COMMD1: variants seen among roughly 807,000 people sequenced by gnomAD.
COMMD1 encodes copper metabolism domain containing 1.
In COMMD1, 10 loss-of-function variants were observed where a neutral mutation model predicts 17.2. The observed-to-expected ratio is 0.58, with a 90% confidence interval of 0.36 to 0.99. The LOEUF (loss-of-function observed/expected upper bound fraction) is 0.99, where lower values mean the gene tolerates loss of function less well. Among genes scored for constraint, COMMD1 ranks in the 50% least tolerant of loss-of-function variants. The pLI is 0.01. For synonymous variants in COMMD1, 97 were observed against 91.6 expected (o/e 1.06, Z -0.34); for missense variants, 270 against 231.8 (o/e 1.17, Z -1.07).
At chr2:62,066,595 G>T (rs986427420) in intron 2 of COMMD1, among the ~76,000 whole-genome samples, 1 of 151,884 alleles carries the variant, frequency 6.6e-6, no homozygotes, top group South Asian at 2.1e-4. Context: ...TAGAGACAGG[G>T]TTTCACCATG....
Position 61,905,746 on chromosome 2 carries a change from C to A in COMMD1, c.68C>A (p.Thr23Asn). ...SGLLNALAQD[T>N]FHGYPGITEE... is the part of the protein sequence containing the mutation. ...CTGCTGAATGCGCTGGCCCAGGACACTTTCCACGGGTACCCCGGCATCACA... is the reference window on the plus strand; with the variant it reads ...CTGCTGAATGCGCTGGCCCAGGACAATTTCCACGGGTACCCCGGCATCACA... Residue 23 changes from threonine (T) to asparagine (N), a missense_variant, in exon 1 of 3, where the codon ACT (threonine) becomes AAT (asparagine). Thr to Asn is a moderately conservative substitution (Grantham distance 65). Coordinates refer to ENST00000311832, the MANE Select transcript of COMMD1 (RefSeq NM_152516.4). 5 of 1,613,794 alleles carry A rather than the reference C, an allele frequency of 3.1e-6. No homozygotes were observed. The highest frequency in any genetic ancestry group is 3.4e-6 in the Non-Finnish European group (4 of 1,179,894).
intron 2 of COMMD1, among the ~76,000 whole-genome samples, chr2:62,071,548 C>T (rs941004142): frequency 2.0e-5 from 3 of 152,092 alleles, no homozygotes; most frequent in Non-Finnish European, 2.9e-5. Flanking sequence ...TGGAGTCACT[C>T]TGGTTCAAAT....
At chr2:62,082,391 G>A (rs541512809) in intron 2 of COMMD1, among the ~76,000 whole-genome samples, 2 of 152,314 alleles carry the variant, frequency 1.3e-5, no homozygotes, top group South Asian at 4.1e-4. Flanking sequence ...GCACTAGCAG[G>A]AAGTAGGAGC....
At chr2:61,952,241 C>T (rs984312496) in intron 1 of COMMD1, among the ~76,000 whole-genome samples, 3 of 152,078 alleles carry the variant, frequency 2.0e-5, no homozygotes, top group Admixed American at 6.6e-5. Flanking sequence ...GTTCAGGGAC[C>T]GAAAACCACT....
chr2:62,014,719 G>A (rs370234665), intron 2 of COMMD1, among the ~76,000 whole-genome samples: 1 of 151,106 alleles, frequency 6.6e-6, no homozygotes, highest in South Asian at 2.1e-4. Flanking sequence ...GCACCACCAC[G>A]CCAGGCTAAT....
intron 2 of COMMD1, among the ~76,000 whole-genome samples, chr2:62,129,208 G>T (rs761657798): frequency 9.2e-5 from 14 of 151,990 alleles, no homozygotes; most frequent in Non-Finnish European, 1.8e-4. Flanking sequence ...AAATAAAATA[G>T]GAAATGAAGA....
intron 2 of COMMD1, among the ~76,000 whole-genome samples, chr2:62,121,371 C>CAAAAAAAAAAAAAAAAAAAAA (rs55789110): frequency 2.1e-5 from 1 of 47,204 alleles, no homozygotes; most frequent in African/African-American, 9.3e-5. Flanking sequence ...GACTCTTTCT[C>CAAAAAAAAAAAAAAAAAAAAA]AAAAAAAAAA....
chr2:61,921,428 C>T lies in COMMD1; in HGVS notation c.180+15570C>T, dbSNP rs1241903014. 2.6e-5 allele frequency among the ~76,000 whole-genome samples: 4 copies of T among 151,952 alleles called. No homozygotes were observed. In the East Asian group the frequency reaches 5.8e-4, roughly 22 times the overall value. On this transcript the variant is annotated intron_variant, in intron 1 of 2. Transcript: ENST00000311832. Reference sequence around the variant, plus strand: ...TCATTGTTTCTGAGAACTAGACCAACCCAGTATTATTTTGTTTTTGTTTTT... The same window carrying T: ...TCATTGTTTCTGAGAACTAGACCAATCCAGTATTATTTTGTTTTTGTTTTT...
intron 1 of COMMD1, among the ~76,000 whole-genome samples, chr2:61,970,054 C>T (rs530691301): frequency 2.0e-5 from 3 of 151,992 alleles, no homozygotes; most frequent in East Asian, 1.9e-4. Flanking sequence ...GTCAGGAGTT[C>T]GAGACCAGCC....
chr2:62,072,083 G>A (rs181695366), intron 2 of COMMD1, among the ~76,000 whole-genome samples: 108 of 151,838 alleles, frequency 7.1e-4, no homozygotes, highest in Non-Finnish European at 1.4e-3. Flanking sequence ...AGACCCTGAA[G>A]AAAATAAAAA....
chr2:62,029,930 C>T (rs573400675), intron 2 of COMMD1, among the ~76,000 whole-genome samples: 5 of 152,292 alleles, frequency 3.3e-5, no homozygotes, highest in African/African-American at 7.2e-5. Flanking sequence ...ATTTGTTTAA[C>T]GTGTATACAC....
chr2:61,973,916 C>T (rs913515301), intron 1 of COMMD1, among the ~76,000 whole-genome samples: 5 of 152,218 alleles, frequency 3.3e-5, no homozygotes, highest in Admixed American at 1.3e-4. Flanking sequence ...TCCCTTGTGC[C>T]TCTTCCTAGT....
intron 1 of COMMD1, among the ~76,000 whole-genome samples, chr2:61,938,355 G>A (rs960967045): frequency 2.0e-5 from 3 of 151,978 alleles, no homozygotes; most frequent in Non-Finnish European, 4.4e-5. Flanking sequence ...AGCCTCAGAT[G>A]GGCATGTTTA....
intron 1 of COMMD1, among the ~76,000 whole-genome samples, chr2:61,985,937 G>GTT: frequency 6.6e-6 from 1 of 152,054 alleles, no homozygotes. Flanking sequence ...AATATTCTGT[G>GTT]TTTTTTCATA....
intron 2 of COMMD1, among the ~76,000 whole-genome samples, chr2:62,095,360 GCTAA>G (rs1233907386): frequency 6.6e-6 from 1 of 152,052 alleles, no homozygotes; most frequent in Non-Finnish European, 1.5e-5. Flanking sequence ...AATTCTATTG[GCTAA>G]CTTATACAAT....
intron 1 of COMMD1, among the ~76,000 whole-genome samples, chr2:61,889,397 G>A (rs1669360000): frequency 6.6e-6 from 1 of 151,930 alleles, no homozygotes; most frequent in Admixed American, 6.6e-5. Context: ...AACATAGCGA[G>A]ACTGGGTTTC....
At chr2:62,095,505 A>G (rs959187647) in intron 2 of COMMD1, among the ~76,000 whole-genome samples, 1 of 151,966 alleles carries the variant, frequency 6.6e-6, no homozygotes, top group Non-Finnish European at 1.5e-5. Flanking sequence ...TAAATCTCCA[A>G]ATTCTAAATT....
intron 2 of COMMD1, among the ~76,000 whole-genome samples, chr2:62,074,196 C>A (rs1009568935): frequency 6.6e-6 from 1 of 152,186 alleles, no homozygotes; most frequent in Admixed American, 6.5e-5. Context: ...TCCATTGAGA[C>A]TCTCATGTCC....
At chr2:61,903,886 G>C (rs998769675), upstream of COMMD1, among the ~76,000 whole-genome samples, 2 of 152,122 alleles carry the variant, frequency 1.3e-5, no homozygotes, top group Non-Finnish European at 2.9e-5. Context: ...ATAGGTGGGA[G>C]AGAGGTCAGA....
Sources: gnomAD v4.1 joint callset for allele counts (sites outside exome capture counted in the v4.1 genomes callset) on GRCh38, gnomAD v4.1.1 for gene constraint, MANE v1.5 for transcripts, NCBI Gene and HGNC (gene_info 2026-07-23, HGNC 2026-07-21) for gene names.